NMT2: variants seen among roughly 807,000 people sequenced by gnomAD.
NMT2 encodes the protein N-myristoyltransferase 2, also known as glycylpeptide N-tetradecanoyltransferase 2.
Under a neutral mutation model 65.4 loss-of-function variants are expected in NMT2, and 35 were observed. That is an observed-to-expected ratio of 0.54 (90% CI 0.41 to 0.71). NMT2 has a LOEUF of 0.71. NMT2 is among the 30% of genes least tolerant of loss of function. The pLI is 0.00. For synonymous variants in NMT2, 226 were observed against 231.8 expected, an observed-to-expected ratio of 0.98 and a Z score of 0.23; for missense variants, 489 against 611.3, an observed-to-expected ratio of 0.80 and a Z score of 2.11.
At chr10:15,135,669 G>A (rs1272414887) in intron 2 of NMT2, among the ~76,000 whole-genome samples, 1 of 152,140 alleles carries the variant, frequency 6.6e-6, no homozygotes, top group Admixed American at 6.6e-5. Context: ...AGCACGCTTT[G>A]CTTCAGTTTC....
chr10:15,130,191 C>T lies in NMT2; in HGVS notation c.841G>A (p.Ala281Thr). 1 of 1,602,954 alleles carries T rather than the reference C, an allele frequency of 6.2e-7. No homozygotes were observed. Among genetic ancestry groups the T allele is most frequent in the Non-Finnish European group, 8.5e-7 (1 of 1,173,998 alleles). The change falls in exon 7 of 12, where the codon GCT becomes ACT. Residue 281 changes from alanine to threonine, a missense_variant. Ala to Thr is a moderately conservative substitution (Grantham distance 58). Coordinates refer to ENST00000378165, the MANE Select transcript of NMT2 (RefSeq NM_004808.3). ...AGAACCACTCCCGCGGTGTACACAG[C>T]CTGGAAGATCCCTTCCAGGTTCACT... Reference protein sequence around the residue: ...RRVNLEGIFQAVYTAGVVLPK... With the variant: ...RRVNLEGIFQTVYTAGVVLPK...
At position 15,130,219 on chromosome 10, in the gene NMT2, T is replaced by C. The variant is rs753433613; in HGVS notation, c.813A>G (p.Arg271=). 2.5e-6 allele frequency: 4 copies of C among 1,609,198 alleles called. No homozygotes were observed. The South Asian group carries it at 3.3e-5, about 13-fold the overall frequency. ...VAPVLIREIT[R]RVNLEGIFQA... is the part of the protein sequence containing the mutation. The stretch of plus-strand genomic sequence containing the variant: ...GGAAGATCCCTTCCAGGTTCACTCT[T>C]CTAGTGATCTCTCGGATTAGCACTG... Residue 271 remains arginine (R), a synonymous_variant, in exon 7 of 12, where the codon AGA becomes AGG. Coordinates refer to ENST00000378165, the MANE Select transcript of NMT2 (RefSeq NM_004808.3).
intron 8 of NMT2, among the ~76,000 whole-genome samples, chr10:15,125,875 C>T (rs911889446): frequency 2.0e-5 from 3 of 152,022 alleles, no homozygotes; most frequent in Admixed American, 6.6e-5. Context: ...CCATGTTGGC[C>T]AGGGTGGCCT....
chr10:15,107,653 C>T lies in NMT2; in HGVS notation c.*1542G>A, dbSNP rs2131448186. The stretch of plus-strand genomic sequence containing the variant: ...AATTTTTAGTAGAGATGGGGTTTCA[C>T]CATGTTGGCCAGGCTGGTCTCGAAC... On this transcript the variant is annotated 3_prime_UTR_variant, in exon 12 of 12. Transcript: ENST00000378165. The T allele has an allele frequency of 1.9e-6, 1 of 536,762 alleles. No homozygotes were observed. Among genetic ancestry groups the T allele is most frequent in the Admixed American group, 6.4e-5 (1 of 15,710 alleles). 33.2% of individuals were successfully genotyped at this position (536,762 alleles called of 1,614,324 possible).
Position 15,107,108 on chromosome 10 carries a change from TAAA to T in NMT2, c.*2084_*2086del, listed in dbSNP as rs59625068. ...TGGACAATAGAGTGAGACCCTGTCC[TAAA>T]AAAAAAAAAAAAAAAAGTATGGCTA... On this transcript the variant is annotated 3_prime_UTR_variant, in exon 12 of 12. Transcript: ENST00000378165. 9.3e-4 allele frequency among the ~76,000 whole-genome samples: 124 copies of T among 133,686 alleles called. No individual in the cohort carries two copies. Among genetic ancestry groups the T allele is most frequent in the East Asian group, 1.7e-3 (8 of 4,586 alleles). The allele number at this position is 133,686 out of a possible 152,430, so 87.7% of individuals were successfully genotyped here. A position where few individuals can be genotyped will look rare whatever the true frequency, so the allele number is the denominator to read the frequency against.
At chr10:15,146,663 T>G (rs1564582836) in intron 1 of NMT2, among the ~76,000 whole-genome samples, 1 of 152,152 alleles carries the variant, frequency 6.6e-6, no homozygotes, top group Non-Finnish European at 1.5e-5. Flanking sequence ...GAAGGAGAAC[T>G]CCCTCACCAT....
In NMT2 at chr10:15,168,472, C is replaced by T. The variant is rs573638645; in HGVS notation, c.110+31G>A. The T allele has an allele frequency of 1.9e-6, 3 of 1,539,706 alleles. No homozygotes were observed. The South Asian group carries it at 3.4e-5, about 17-fold the overall frequency. On this transcript the variant is annotated intron_variant, in intron 1 of 11. Transcript: ENST00000378165. Reference sequence around the variant, plus strand: ...GTGGCGCGCGCGGTCCCCGCCCTGTCGCGCCCGGTGCGCCAGCGCGCCGCC... The same window carrying T: ...GTGGCGCGCGCGGTCCCCGCCCTGTTGCGCCCGGTGCGCCAGCGCGCCGCC...
chr10:15,136,322 GAGAGAGAC>G (rs1426606419), intron 2 of NMT2, among the ~76,000 whole-genome samples: 4 of 148,330 alleles, frequency 2.7e-5, no homozygotes, highest in Non-Finnish European at 6.0e-5. Context: ...AAGAGAAAGG[GAGAGAGAC>G]AGAGAGAAAG....
At position 15,133,103 on chromosome 10, in the gene NMT2, T is replaced by A; in HGVS notation, c.552A>T (p.Glu184Asp). Reference sequence around the variant, plus strand: ...CAAATCGGAACATATTGTCATCATCTTCTACGTAATTCTCATTTAACAACG... The same window carrying A: ...CAAATCGGAACATATTGTCATCATCATCTACGTAATTCTCATTTAACAACG... ...LYTLLNENYV[E>D]DDDNMFRFDY... The change falls in exon 5 of 12, where the codon GAA becomes GAT. Residue 184 changes from glutamate to aspartate, a missense_variant. By Grantham distance (45) the Glu-to-Asp change is conservative. Coordinates refer to ENST00000378165, the MANE Select transcript of NMT2 (RefSeq NM_004808.3). The A allele has an allele frequency of 6.2e-7, 1 of 1,614,146 alleles. No homozygotes were observed. The highest frequency in any genetic ancestry group is 1.3e-5 in the African/African-American group (1 of 75,082).
intron 1 of NMT2, among the ~76,000 whole-genome samples, chr10:15,168,183 C>G (rs1034649716): frequency 2.6e-5 from 4 of 152,110 alleles, no homozygotes; most frequent in African/African-American, 4.8e-5. Context: ...CACCCGCGGG[C>G]GAGGGCAACA....
At chr10:15,139,890 T>C (rs1186236532) in intron 2 of NMT2, 22 of 109,394 alleles carry the variant, frequency 2.0e-4, no homozygotes, top group African/African-American at 9.3e-4. Flanking sequence ...TATATATATA[T>C]ATATATATAT....
At chr10:15,161,204 T>C (rs891269585) in intron 1 of NMT2, among the ~76,000 whole-genome samples, 1 of 150,620 alleles carries the variant, frequency 6.6e-6, no homozygotes, top group African/African-American at 2.4e-5. Context: ...TAGAGTCACA[T>C]GCACACCCAG....
rs557371158 is a variant in NMT2, at chr10:15,135,513, C to T, written c.247-95G>A. On this transcript the variant is annotated intron_variant, in intron 2 of 11. Transcript: ENST00000378165. ...TGCATCTGCCTCAGAGACTACAATA[C>T]CTAAACACTAACAATCCTCCTCCAA... 39 of 1,250,362 alleles carry T rather than the reference C, an allele frequency of 3.1e-5. 1 individual carries two copies. In the African/African-American group the frequency reaches 4.8e-4, roughly 15 times the overall value. 77.5% of individuals were successfully genotyped at this position (1,250,362 alleles called of 1,614,324 possible).
intron 8 of NMT2, among the ~76,000 whole-genome samples, chr10:15,121,855 T>C (rs1410103478): frequency 6.6e-6 from 1 of 152,220 alleles, no homozygotes; most frequent in East Asian, 1.9e-4. Flanking sequence ...GCCATTCTAT[T>C]ATGATGATGT....
At chr10:15,135,171 T>A in intron 3 of NMT2, 103 bp downstream of exon 3, 1 of 1,155,774 alleles carries the variant, frequency 8.7e-7, no homozygotes, top group Admixed American at 1.8e-5. Context: ...ATGATACATG[T>A]GAAGTTAACA....
At chr10:15,126,441 A>G (rs191261654) in intron 8 of NMT2, among the ~76,000 whole-genome samples, 30 of 151,386 alleles carry the variant, frequency 2.0e-4, no homozygotes, top group Admixed American at 1.8e-3. Context: ...AAAAAAAAAA[A>G]AAAAGAAATG....
In NMT2 at chr10:15,108,514, C is replaced by A; in HGVS notation, c.*681G>T. ...GCTCTTTCAGAGAGCACAGTGAGTGCTTGCACAAAACTCTGCTTTTGAAGC... is the reference window on the plus strand; with the variant it reads ...GCTCTTTCAGAGAGCACAGTGAGTGATTGCACAAAACTCTGCTTTTGAAGC... On this transcript the variant is annotated 3_prime_UTR_variant, in exon 12 of 12. Coordinates refer to ENST00000378165, the MANE Select transcript of NMT2 (RefSeq NM_004808.3). 1 of 985,706 alleles carries A rather than the reference C, an allele frequency of 1.0e-6. No homozygotes were observed. Among genetic ancestry groups the A allele is most frequent in the Non-Finnish European group, 1.2e-6 (1 of 830,130 alleles). 61.1% of individuals were successfully genotyped at this position (985,706 alleles called of 1,614,324 possible).
intron 9 of NMT2, among the ~76,000 whole-genome samples, chr10:15,113,375 C>G (rs1039145499): frequency 7.1e-6 from 1 of 141,154 alleles, no homozygotes; most frequent in South Asian, 2.3e-4. Context: ...GAGGCTGAGG[C>G]TGGAGAATCG....
intron 9 of NMT2, among the ~76,000 whole-genome samples, chr10:15,117,699 G>C (rs539469244): frequency 6.0e-4 from 89 of 149,326 alleles, no homozygotes; most frequent in African/African-American, 2.1e-3. Flanking sequence ...CACTGTGGTA[G>C]GATACAAACA....
Sources: gnomAD v4.1 joint callset for allele counts (sites outside exome capture counted in the v4.1 genomes callset) on GRCh38, gnomAD v4.1.1 for gene constraint, MANE v1.5 for transcripts, NCBI Gene and HGNC (gene_info 2026-07-23, HGNC 2026-07-21) for gene names.